TASP1: variants seen among roughly 807,000 people sequenced by gnomAD.
The protein encoded by TASP1 is threonine aspartase 1.
In TASP1, 16 loss-of-function variants were observed where a neutral mutation model predicts 56.6. The observed-to-expected ratio is 0.28, with a 90% CI of 0.19 to 0.43. The LOEUF (loss-of-function observed/expected upper bound fraction) is 0.43. TASP1 is among the 20% of genes least tolerant of loss of function. The probability of loss-of-function intolerance (pLI) is 1.00; values close to 1 mark genes in which losing one functional copy is unlikely to be tolerated. For missense variants in TASP1, 393 were observed against 511.6 expected (o/e 0.77, Z 2.24); for synonymous variants, 179 against 184.2 (o/e 0.97, Z 0.23).
At chr20:13,318,160 T>TAAATAAATAAATAAATAAAAAAAA in the TASP1 span, among the ~76,000 whole-genome samples, 1 of 151,148 alleles carries the variant, frequency 6.6e-6, no homozygotes, top group Non-Finnish European at 1.5e-5. Flanking sequence ...AATAAATAAA[T>TAAATAAATAAATAAATAAAAAAAA]AAAAATGAGC....
chr20:13,417,654 A>T, intron 12 of TASP1, 133 bp from the exon 13 acceptor site: 1 of 887,718 alleles, frequency 1.1e-6, no homozygotes, highest in Non-Finnish European at 1.7e-6. Flanking sequence ...TTGCTTGTTC[A>T]TAAATGTCAA....
Position 13,509,374 on chromosome 20 carries a change from C to T in TASP1, c.874+19059G>A, listed in dbSNP as rs6105122. On this transcript the variant is annotated intron_variant, in intron 10 of 13. Coordinates refer to ENST00000337743, the MANE Select transcript of TASP1 (RefSeq NM_017714.3). ...AATGAGGAGATAGTGTCACAGGGTA[C>T]GAACTTATGGTTGTAAGATGAATAA... Among the ~76,000 whole-genome samples the T allele has an allele frequency of 9.0e-3, 1,368 of 152,046 alleles. 31 individuals carry two copies. Among genetic ancestry groups the T allele is most frequent in the African/African-American group, 0.031 (1,281 of 41,476 alleles).
chr20:13,256,430 T>G, the TASP1 span, among the ~76,000 whole-genome samples: 1 of 149,766 alleles, frequency 6.7e-6, no homozygotes, highest in Admixed American at 6.6e-5. Context: ...ATCCTCTAGA[T>G]TATGCTTTGT....
At chr20:13,237,597 G>C in the TASP1 span, among the ~76,000 whole-genome samples, 1 of 152,140 alleles carries the variant, frequency 6.6e-6, no homozygotes, top group Admixed American at 6.5e-5. Flanking sequence ...CTAGGGTGCT[G>C]GTAATGTTTT....
At chr20:13,362,846 TC>T in the TASP1 span, among the ~76,000 whole-genome samples, 2 of 148,242 alleles carry the variant, frequency 1.3e-5, no homozygotes, top group South Asian at 4.3e-4. Flanking sequence ...TATTTGTCTC[TC>T]CCCCTGTTTC....
the TASP1 span, among the ~76,000 whole-genome samples, chr20:13,124,895 G>A: frequency 1.3e-5 from 2 of 152,168 alleles, no homozygotes; most frequent in Non-Finnish European, 2.9e-5. Flanking sequence ...AGAGGATCTC[G>A]ATTCCCAAGA....
the TASP1 span, among the ~76,000 whole-genome samples, chr20:13,132,171 ATTT>A: frequency 8.2e-4 from 85 of 103,976 alleles, no homozygotes; most frequent in Middle Eastern, 0.019. Flanking sequence ...CCTTGCTTTA[ATTT>A]TTTTTTTTTT....
At chr20:13,185,345 C>T in the TASP1 span, among the ~76,000 whole-genome samples, 1 of 152,074 alleles carries the variant, frequency 6.6e-6, no homozygotes, top group Non-Finnish European at 1.5e-5. Flanking sequence ...CCAAATCCAG[C>T]TCCACTGCCA....
chr20:13,632,689 T>A (rs2147608643), intron 1 of TASP1, among the ~76,000 whole-genome samples: 1 of 152,320 alleles, frequency 6.6e-6, no homozygotes, highest in African/African-American at 2.4e-5. Flanking sequence ...TATCAATACA[T>A]GACTCTATCC....
At chr20:13,257,290 G>A in the TASP1 span, among the ~76,000 whole-genome samples, 2 of 152,180 alleles carry the variant, frequency 1.3e-5, no homozygotes, top group Non-Finnish European at 2.9e-5. Flanking sequence ...CAAAGTGGGA[G>A]GATCATCTGA....
the TASP1 span, among the ~76,000 whole-genome samples, chr20:13,197,185 G>A: frequency 0.027 from 4,075 of 152,256 alleles, 169 homozygotes; most frequent in African/African-American, 0.092. Flanking sequence ...ACTGAATTAC[G>A]TTTTGTGGTT....
At chr20:13,570,340 A>C (rs113774344) in intron 6 of TASP1, among the ~76,000 whole-genome samples, 2 of 152,238 alleles carry the variant, frequency 1.3e-5, no homozygotes, top group African/African-American at 4.8e-5. Context: ...CTTCTTCCAT[A>C]GCCAACTTCT....
chr20:13,600,088 C>T (rs1347277320), intron 4 of TASP1, among the ~76,000 whole-genome samples: 1 of 152,024 alleles, frequency 6.6e-6, no homozygotes, highest in African/African-American at 2.4e-5. Context: ...CATACAAGAT[C>T]TGTACACTGG....
At chr20:13,506,206 G>T (rs1432495952) in intron 10 of TASP1, among the ~76,000 whole-genome samples, 2 of 146,860 alleles carry the variant, frequency 1.4e-5, no homozygotes, top group East Asian at 4.0e-4. Flanking sequence ...TGAAGAAAAA[G>T]AAAATCTCAA....
the TASP1 span, among the ~76,000 whole-genome samples, chr20:13,259,272 C>T: frequency 1.4e-5 from 2 of 145,630 alleles, no homozygotes; most frequent in African/African-American, 5.0e-5. Flanking sequence ...CAGAGTGAGA[C>T]TCTGTCTCAA....
At chr20:13,346,238 A>G in the TASP1 span, among the ~76,000 whole-genome samples, 1 of 152,196 alleles carries the variant, frequency 6.6e-6, no homozygotes, top group South Asian at 2.1e-4. Flanking sequence ...AAAGGCCACT[A>G]CTTTTCTGCT....
the TASP1 span, among the ~76,000 whole-genome samples, chr20:13,359,621 G>C: frequency 5.3e-5 from 8 of 151,140 alleles, no homozygotes; most frequent in African/African-American, 2.0e-4. Flanking sequence ...TGACGGCCAG[G>C]CTTCTAAACC....
At chr20:13,387,761 G>A (rs187977697), downstream of TASP1, among the ~76,000 whole-genome samples, 24 of 152,190 alleles carry the variant, frequency 1.6e-4, no homozygotes, top group African/African-American at 5.1e-4. Context: ...AGTGGCTGAC[G>A]TAATTTACAT....
rs61152009 is a variant in TASP1 at position 13,504,935 on chromosome 20, C to T, written c.875-21598G>A. On this transcript the variant is annotated intron_variant, in intron 10 of 13. Coordinates refer to ENST00000337743, the MANE Select transcript of TASP1 (RefSeq NM_017714.3). ...AGAAAATAACAAAACGGCAATAGTA[C>T]ATCCCTACTATCAATAATTACATTG... Among the ~76,000 whole-genome samples, 126 of 152,114 alleles carry T rather than the reference C, an allele frequency of 8.3e-4. 1 individual carries two copies. The highest frequency in any genetic ancestry group is 2.8e-3 in the African/African-American group (116 of 41,526).
Sources: allele counts gnomAD v4.1 joint callset (sites outside exome capture counted in the v4.1 genomes callset), GRCh38; gene constraint gnomAD v4.1.1; transcripts MANE v1.5; gene names NCBI Gene and HGNC (gene_info 2026-07-23, HGNC 2026-07-21).